Variants in COL14A1 observed in about 807,000 individuals in gnomAD.
COL14A1 encodes the protein collagen type XIV alpha 1 chain.
COL14A1 carries 136 observed loss-of-function variants against 230.3 expected under a neutral mutation model. The observed-to-expected ratio is 0.59, with a 90% CI of 0.51 to 0.68. The LOEUF (loss-of-function observed/expected upper bound fraction) is 0.68. Among genes scored for constraint, COL14A1 ranks in the 30% least tolerant of loss-of-function variants. The pLI, the probability that COL14A1 is intolerant of heterozygous loss-of-function variation, is 0.00. For missense variants in COL14A1, 1,976 were observed against 2,215.8 expected (o/e 0.89, Z 2.17); for synonymous variants, 792 against 784.1 (o/e 1.01, Z -0.17).
intron 34 of COL14A1, among the ~76,000 whole-genome samples, chr8:120,293,423 T>G (rs1329684497): frequency 3.3e-5 from 5 of 151,970 alleles, no homozygotes. Flanking sequence ...ATTATAATGA[T>G]AGCTAATAGT....
chr8:120,212,427 A>C, intron 12 of COL14A1, 21 bp from the exon 13 acceptor site: 1 of 1,611,580 alleles, frequency 6.2e-7, no homozygotes, highest in Non-Finnish European at 8.5e-7. Context: ...CAAATGATCT[A>C]ACAACATGTG....
chr8:120,198,271 A>G (rs1461080493), intron 7 of COL14A1, among the ~76,000 whole-genome samples: 1 of 152,110 alleles, frequency 6.6e-6, no homozygotes, highest in African/African-American at 2.4e-5. Context: ...TCAAATATAA[A>G]CAAATTTCTT....
chr8:120,369,915 G>A (rs1167136457), intron 47 of COL14A1, among the ~76,000 whole-genome samples: 1 of 152,210 alleles, frequency 6.6e-6, no homozygotes, highest in Admixed American at 6.5e-5. Flanking sequence ...CCGTAATTAA[G>A]AGGGCTCCTT....
intron 42 of COL14A1, among the ~76,000 whole-genome samples, chr8:120,337,864 A>G (rs1039498952): frequency 1.3e-5 from 2 of 152,244 alleles, no homozygotes. Flanking sequence ...TTGGAATAAA[A>G]AATAATTTCT....
At chr8:120,269,532 G>A (rs1819593950) in intron 25 of COL14A1, among the ~76,000 whole-genome samples, 1 of 151,714 alleles carries the variant, frequency 6.6e-6, no homozygotes, top group Non-Finnish European at 1.5e-5. Flanking sequence ...CAGCCCAAGT[G>A]AATATCAAAT....
rs748029863 is a variant in COL14A1, at chr8:120,367,186, A to G, written c.5093A>G (p.Lys1698Arg). The G allele has an allele frequency of 6.2e-7, 1 of 1,613,110 alleles. No homozygotes were observed. Residue 1698 changes from lysine to arginine, a missense_variant, in exon 46 of 48, where the codon AAA (lysine) becomes AGA (arginine). Physicochemically the swap from Lys to Arg is conservative, Grantham distance 26. Around this residue, in one of 3 missense-constraint regions of COL14A1, gnomAD observed 1,791 missense variants for 2,019.5 expected, o/e 0.89. Transcript: ENST00000297848. ...TPGERGLTGI[K>R]GEKGNPGVGT... Reference sequence around the variant, plus strand: ...TTTTAAACAGGTCTAACTGGTATCAAAGGAGAAAAAGGAAATCCAGGCGTT... The same window carrying G: ...TTTTAAACAGGTCTAACTGGTATCAGAGGAGAAAAAGGAAATCCAGGCGTT...
chr8:120,341,249 TAAG>T (rs1822285341), intron 42 of COL14A1, 73 bp from the exon 43 acceptor site: 1 of 1,432,306 alleles, frequency 7.0e-7, no homozygotes, highest in Non-Finnish European at 9.8e-7. Flanking sequence ...CTTAATAAAA[TAAG>T]AAAAGATGCA....
chr8:120,285,986 T>C lies in COL14A1; in HGVS notation c.4077+16T>C. Reference sequence around the variant, plus strand: ...CTTTCACAAGGTTAGTAATGCTTTGTATGCATATATTCTTTATTCTATTTG... The same window carrying C: ...CTTTCACAAGGTTAGTAATGCTTTGCATGCATATATTCTTTATTCTATTTG... On this transcript the variant is annotated intron_variant, in intron 33 of 47. Transcript: ENST00000297848. The C allele has an allele frequency of 7.7e-7, 1 of 1,303,632 alleles. No homozygotes were observed. Among genetic ancestry groups the C allele is most frequent in the East Asian group, 2.3e-5 (1 of 43,404 alleles). The allele number at this position is 1,303,632 out of a possible 1,614,324, so 80.8% of individuals were successfully genotyped here.
chr8:120,157,730 A>T (rs925696434), intron 2 of COL14A1, among the ~76,000 whole-genome samples: 1 of 152,198 alleles, frequency 6.6e-6, no homozygotes, highest in Non-Finnish European at 1.5e-5. Context: ...TTATGCCTGT[A>T]ATCCCAGCAC....
At chr8:120,203,552 C>T (rs1173273579) in intron 8 of COL14A1, among the ~76,000 whole-genome samples, 157 bp from the exon 9 acceptor site, 1 of 151,930 alleles carries the variant, frequency 6.6e-6, no homozygotes, top group Admixed American at 6.6e-5. Context: ...ATTTCGTGTG[C>T]GCATTTTAAA....
chr8:120,369,369 CT>C lies in COL14A1; in HGVS notation c.5196del (p.Gly1733AlafsTer37). ...AGTCGGCCTGGCAGCCCTGGGCCCC[CT>C]GGCTCTCCTGGACCAAGAGGCCCAC... ...GESRPGSPGPPGSPGPRGPPG... is the reference protein window; with the variant it reads ...GESRPGSPGPXGSPGPRGPPG... On this transcript the variant is annotated frameshift_variant, in exon 47 of 48. Coordinates refer to ENST00000297848, the MANE Select transcript of COL14A1 (RefSeq NM_021110.4). LOFTEE classifies it high-confidence loss of function. 4 of 1,602,894 alleles carry C rather than the reference CT, an allele frequency of 2.5e-6. No individual in the cohort carries two copies. The highest frequency in any genetic ancestry group is 3.4e-6 in the Non-Finnish European group (4 of 1,174,694).
Position 120,225,853 on chromosome 8 carries a change from C to T in COL14A1, c.1864+639C>T, listed in dbSNP as rs546078016. 2.8e-4 allele frequency among the ~76,000 whole-genome samples: 42 copies of T among 151,744 alleles called. No homozygotes were observed. In the East Asian group the frequency reaches 5.0e-3, roughly 18 times the overall value. On this transcript the variant is annotated intron_variant, in intron 15 of 47. Transcript: ENST00000297848. ...TGTAGTCTCTACTGAGGAGATGAGACGGTAATTTGGAGACAGATGAAAAAG... is the reference window on the plus strand; with the variant it reads ...TGTAGTCTCTACTGAGGAGATGAGATGGTAATTTGGAGACAGATGAAAAAG...
chr8:120,356,868 A>G (rs1024810987), intron 45 of COL14A1, among the ~76,000 whole-genome samples: 3 of 152,098 alleles, frequency 2.0e-5, no homozygotes, highest in African/African-American at 7.2e-5. Context: ...GTTAAGTTCA[A>G]TTTGAATGCC....
chr8:120,136,621 G>T (rs943724044), intron 1 of COL14A1, among the ~76,000 whole-genome samples: 3 of 151,870 alleles, frequency 2.0e-5, no homozygotes, highest in African/African-American at 2.4e-5. Context: ...GTTCATAAGG[G>T]TTATTCTGTG....
chr8:120,354,348 A>G (rs1288258728), intron 45 of COL14A1, among the ~76,000 whole-genome samples: 3 of 138,094 alleles, frequency 2.2e-5, no homozygotes, highest in African/African-American at 8.4e-5. Context: ...ATATGTAACT[A>G]ACCTGCACAA....
chr8:120,219,384 G>A (rs772975036), intron 14 of COL14A1, among the ~76,000 whole-genome samples: 2 of 152,204 alleles, frequency 1.3e-5, no homozygotes. Flanking sequence ...AATTATAGGA[G>A]TGAGGCACTG....
At chr8:120,222,868 T>C (rs1429585906) in intron 14 of COL14A1, among the ~76,000 whole-genome samples, 1 of 152,086 alleles carries the variant, frequency 6.6e-6, no homozygotes, top group Non-Finnish European at 1.5e-5. Flanking sequence ...AATAAACATG[T>C]AGGTAAATAA....
At chr8:120,206,023 G>A (rs1453545557) in intron 9 of COL14A1, among the ~76,000 whole-genome samples, 1 of 152,150 alleles carries the variant, frequency 6.6e-6, no homozygotes, top group Non-Finnish European at 1.5e-5. Flanking sequence ...CGAGCTCATA[G>A]TGGGCATTTA....
chr8:120,183,647 A>T (rs929261173), intron 5 of COL14A1, among the ~76,000 whole-genome samples: 2 of 152,064 alleles, frequency 1.3e-5, no homozygotes, highest in East Asian at 3.9e-4. Context: ...TGTTTACAGG[A>T]TTGTTAGTTA....
Sources: allele counts gnomAD v4.1 joint callset (sites outside exome capture counted in the v4.1 genomes callset), GRCh38; gene constraint gnomAD v4.1.1; regional missense constraint gnomAD v4.1.1; transcripts MANE v1.5; gene names NCBI Gene and HGNC (gene_info 2026-07-23, HGNC 2026-07-21).